The following GSE1 variants were observed in gnomAD, a reference collection of about 807,000 sequenced individuals.
GSE1 encodes Gse1 coiled-coil protein.
A neutral mutation model predicts 112.6 loss-of-function variants in GSE1; 32 were observed. That is an observed-to-expected ratio of 0.28 (90% CI 0.21 to 0.38). The LOEUF is 0.38. GSE1 is among the 10% of genes least tolerant of loss of function. The probability of loss-of-function intolerance (pLI) is 1.00; values close to 1 mark genes in which losing one functional copy is unlikely to be tolerated. For synonymous variants in GSE1, 1,115 were observed against 735.6 expected (o/e 1.52, Z -8.35); for missense variants, 2,348 against 1,699.2 (o/e 1.38, Z -6.71).
chr16:85,654,409 C>G lies in GSE1; in HGVS notation c.558C>G (p.Ser186=). 1 of 1,593,748 alleles carries G rather than the reference C, an allele frequency of 6.3e-7. No individual in the cohort carries two copies. The highest frequency in any genetic ancestry group is 8.5e-7 in the Non-Finnish European group (1 of 1,169,854). ...GCACCCCCTACCCCTTCGGCCTCTC[C>G]CCCAGCTCAGTTGTGCAGGATTCCC... ...LLSTPYPFGL[S]PSSVVQDSRF... Residue 186 remains serine (S), a synonymous_variant, in exon 4 of 16, where the codon TCC becomes TCG. Coordinates refer to ENST00000253458, the MANE Select transcript of GSE1 (RefSeq NM_014615.5).
upstream of GSE1, among the ~76,000 whole-genome samples, chr16:85,610,749 G>A (rs932456443): frequency 6.6e-6 from 1 of 152,228 alleles, no homozygotes; most frequent in Non-Finnish European, 1.5e-5. Flanking sequence ...GGGAAGGGGA[G>A]TGACTTCCAG....
In GSE1 at chr16:85,668,312, G is replaced by C. The variant is rs188803698; in HGVS notation, c.3303G>C (p.Ser1101=). The C allele has an allele frequency of 6.2e-7, 1 of 1,611,138 alleles. No individual in the cohort carries two copies. The highest frequency in any genetic ancestry group is 1.7e-5 in the Admixed American group (1 of 59,974). Residue 1101 remains serine (S), a synonymous_variant, in exon 14 of 16, where the codon TCG becomes TCC. Coordinates refer to ENST00000253458, the MANE Select transcript of GSE1 (RefSeq NM_014615.5). ...CAACCCAGGAGTTGGACCGGGACTC[G>C]GAGGAGGAGGAAGAGGAGGATGATG... ...GPPTQELDRD[S]EEEEEEDDED...
chr16:85,416,228 G>A (rs1202847763), intron 2 of GSE1, among the ~76,000 whole-genome samples: 1 of 152,216 alleles, frequency 6.6e-6, no homozygotes, highest in East Asian at 1.9e-4. Flanking sequence ...GTTGAGAGTG[G>A]AATATAAATT....
chr16:85,556,097 G>C (rs369148054), exon 1 of GSE1: 1 of 984,136 alleles, frequency 1.0e-6, no homozygotes, highest in African/African-American at 1.8e-5. Context: ...GGCCGAAATT[G>C]CCTGGGCGCT....
exon 1 of GSE1, chr16:85,170,519 A>G (rs1157469585): frequency 9.0e-5 from 89 of 985,656 alleles, no homozygotes; most frequent in Non-Finnish European, 1.0e-4. Flanking sequence ...GGGGAAGAGG[A>G]CCACAAGGAA....
At chr16:85,198,592 G>T (rs939971590) in intron 1 of GSE1, among the ~76,000 whole-genome samples, 8 of 152,126 alleles carry the variant, frequency 5.3e-5, no homozygotes, top group African/African-American at 1.9e-4. Flanking sequence ...GTCTGGGGCT[G>T]GGGAGGGCTG....
chr16:85,555,215 T>C (rs1476418973), upstream of GSE1: 26 of 985,232 alleles, frequency 2.6e-5, no homozygotes, highest in Non-Finnish European at 3.1e-5. Flanking sequence ...TTACCGATAA[T>C]GATTCTTGCA....
chr16:85,287,452 C>T (rs970345221), intron 1 of GSE1, among the ~76,000 whole-genome samples: 1 of 152,168 alleles, frequency 6.6e-6, no homozygotes, highest in Non-Finnish European at 1.5e-5. Flanking sequence ...ACACCCCCGC[C>T]TCTGGCTTCA....
At chr16:85,625,222 G>T (rs755034806) in intron 1 of GSE1, among the ~76,000 whole-genome samples, 13 of 152,130 alleles carry the variant, frequency 8.5e-5, no homozygotes, top group Non-Finnish European at 1.5e-4. Flanking sequence ...TCATCTGCCC[G>T]GCCTGCTTCT....
chr16:85,307,788 C>A (rs2045722067), intron 1 of GSE1, among the ~76,000 whole-genome samples: 1 of 152,232 alleles, frequency 6.6e-6, no homozygotes, highest in Admixed American at 6.5e-5. Flanking sequence ...TTAGCATAGG[C>A]TGTTCAGGGT....
At chr16:85,668,597 C>G (rs1250039701) in intron 14 of GSE1, among the ~76,000 whole-genome samples, 173 bp downstream of exon 14, 1 of 152,178 alleles carries the variant, frequency 6.6e-6, no homozygotes, top group African/African-American at 2.4e-5. Context: ...CGGTGATGTC[C>G]CATGCTGGAA....
chr16:85,427,806 T>C (rs1434692215), intron 2 of GSE1, among the ~76,000 whole-genome samples: 1 of 152,266 alleles, frequency 6.6e-6, no homozygotes, highest in Non-Finnish European at 1.5e-5. Flanking sequence ...CACTCCAGCC[T>C]GGGCGACAGA....
chr16:85,575,183 G>A (rs2046177736), intron 1 of GSE1, among the ~76,000 whole-genome samples: 1 of 152,230 alleles, frequency 6.6e-6, no homozygotes, highest in South Asian at 2.1e-4. Flanking sequence ...AATACTGGCA[G>A]GGAATGAGGC....
intron 1 of GSE1, among the ~76,000 whole-genome samples, chr16:85,588,149 C>T (rs1414242645): frequency 2.0e-5 from 3 of 152,226 alleles, no homozygotes; most frequent in Non-Finnish European, 2.9e-5. Flanking sequence ...GAGCCCCTCT[C>T]CCCAGCTGGC....
intron 1 of GSE1, among the ~76,000 whole-genome samples, chr16:85,280,460 G>A (rs1273898168): frequency 6.6e-6 from 1 of 152,132 alleles, no homozygotes; most frequent in African/African-American, 2.4e-5. Context: ...TAGTGGTGCA[G>A]TCTCGGCTCA....
chr16:85,228,367 T>A (rs1296631651), intron 1 of GSE1, among the ~76,000 whole-genome samples: 1 of 152,084 alleles, frequency 6.6e-6, no homozygotes, highest in Non-Finnish European at 1.5e-5. Context: ...CGTACAGGAT[T>A]AGATAGGAGG....
intron 2 of GSE1, among the ~76,000 whole-genome samples, chr16:85,402,213 G>C: frequency 6.6e-6 from 1 of 152,224 alleles, no homozygotes; most frequent in Non-Finnish European, 1.5e-5. Context: ...CTGGCGGGAG[G>C]TGAGATAAGC....
chr16:85,224,485 G>C (rs1260080714), intron 1 of GSE1, among the ~76,000 whole-genome samples: 2 of 152,020 alleles, frequency 1.3e-5, no homozygotes, highest in Non-Finnish European at 2.9e-5. Flanking sequence ...AGTTCAGTTG[G>C]AGCCTGACTC....
At chr16:85,427,239 A>C (rs2049014788) in intron 2 of GSE1, among the ~76,000 whole-genome samples, 1 of 152,176 alleles carries the variant, frequency 6.6e-6, no homozygotes, top group African/African-American at 2.4e-5. Context: ...GCAAAGCAAC[A>C]CTGTCTACGG....
Sources: gnomAD v4.1 joint callset for allele counts (sites outside exome capture counted in the v4.1 genomes callset) on GRCh38, gnomAD v4.1.1 for gene constraint, MANE v1.5 for transcripts, NCBI Gene and HGNC (gene_info 2026-07-23, HGNC 2026-07-21) for gene names.